Variants in PHKA2 observed in about 807,000 individuals in gnomAD.
PHKA2 encodes the protein phosphorylase b kinase regulatory subunit alpha, liver isoform.
Under a neutral mutation model 102.0 loss-of-function variants are expected in PHKA2, and 31 were observed. The ratio of observed to expected loss-of-function variants is 0.30; its 90% CI spans 0.23 to 0.41. The LOEUF (loss-of-function observed/expected upper bound fraction) is 0.41, where lower values mean the gene tolerates loss of function less well. PHKA2 is among the 10% of genes least tolerant of loss of function. The pLI is 1.00. For synonymous variants in PHKA2, 455 were observed against 416.2 expected (o/e 1.09, Z -1.13); for missense variants, 858 against 1,023.1 (o/e 0.84, Z 2.20).
intron 1 of PHKA2, among the ~76,000 whole-genome samples, chrX:18,971,341 C>T (rs2049016179): frequency 8.9e-6 from 1 of 111,864 alleles, no homozygotes; most frequent in Non-Finnish European, 1.9e-5. Context: ...TCTTTTAGCC[C>T]GTTTGCTTTC....
chrX:18,920,508 A>C (rs1379939936), intron 17 of PHKA2, among the ~76,000 whole-genome samples: 2 of 112,515 alleles, frequency 1.8e-5, no homozygotes, highest in Non-Finnish European at 3.7e-5. Flanking sequence ...TATATTGCGC[A>C]AACTACTTTT....
chrX:18,901,420 T>C lies in PHKA2; in HGVS notation c.3027+65A>G, dbSNP rs1164014586. 2.9e-5 allele frequency: 21 copies of C among 725,743 alleles called. No individual in the cohort carries two copies. The East Asian group carries it at 6.7e-4, about 23-fold the overall frequency. The allele number at this position is 725,743 out of a possible 1,213,427, so 59.8% of individuals were successfully genotyped here. Reference sequence around the variant, plus strand: ...GCCTCATGCCCTAGGTTTCTGTCGCTTTCTGGGGTAAGCCCAGGTAGGGAG... The same window carrying C: ...GCCTCATGCCCTAGGTTTCTGTCGCCTTCTGGGGTAAGCCCAGGTAGGGAG... On this transcript the variant is annotated intron_variant, in intron 27 of 32. Transcript: ENST00000379942.
At chrX:18,893,866 G>A (rs1176658319) in intron 32 of PHKA2, among the ~76,000 whole-genome samples, 1 of 112,405 alleles carries the variant, frequency 8.9e-6, no homozygotes, top group Admixed American at 9.4e-5. Flanking sequence ...ACTGCACTCT[G>A]TTATCACGCA....
chrX:18,897,020 T>C, intron 30 of PHKA2, 143 bp downstream of exon 30: 3 of 683,116 alleles, frequency 4.4e-6, no homozygotes, highest in South Asian at 4.4e-5. Context: ...TAGCAGAGAA[T>C]GCCTCGGCCC....
chrX:18,983,187 T>C (rs1427487745), intron 1 of PHKA2, among the ~76,000 whole-genome samples: 3 of 112,347 alleles, frequency 2.7e-5, no homozygotes, highest in Non-Finnish European at 5.6e-5. Context: ...ATAAAAATAG[T>C]TCAGTGGTCT....
chrX:18,894,489 T>C, intron 31 of PHKA2, 85 bp from the exon 32 acceptor site: 1 of 842,376 alleles, frequency 1.2e-6, no homozygotes, highest in Admixed American at 2.3e-5. Flanking sequence ...AGGGTGACCG[T>C]AGCAGTGCCT....
chrX:18,903,236 A>T (rs1272685436), intron 26 of PHKA2, among the ~76,000 whole-genome samples: 2 of 112,435 alleles, frequency 1.8e-5, no homozygotes, highest in Admixed American at 1.9e-4. Context: ...ATGTTTCATG[A>T]CCGCATGGAG....
intron 19 of PHKA2, among the ~76,000 whole-genome samples, chrX:18,916,436 A>G (rs1190818286): frequency 8.9e-6 from 1 of 111,960 alleles, no homozygotes; most frequent in Non-Finnish European, 1.9e-5. Flanking sequence ...TCTTGTCTCA[A>G]ACAATCAGAA....
At chrX:18,942,263 C>T (rs1639747364) in intron 7 of PHKA2, among the ~76,000 whole-genome samples, 1 of 111,781 alleles carries the variant, frequency 8.9e-6, no homozygotes, top group African/African-American at 3.3e-5. Context: ...AAATAAGTGG[C>T]TGGATTAGGC....
At chrX:18,913,780 T>TA (rs2147877935) in intron 19 of PHKA2, among the ~76,000 whole-genome samples, 1 of 112,271 alleles carries the variant, frequency 8.9e-6, no homozygotes, top group African/African-American at 3.2e-5. Context: ...AAACTTTTTT[T>TA]AAAAAATGAA....
intron 26 of PHKA2, among the ~76,000 whole-genome samples, chrX:18,904,501 T>TA (rs1281257184): frequency 1.8e-5 from 2 of 112,766 alleles, no homozygotes; most frequent in Non-Finnish European, 3.7e-5. Flanking sequence ...GCTGTACATC[T>TA]AATGACAAAT....
intron 19 of PHKA2, among the ~76,000 whole-genome samples, chrX:18,916,505 T>A: frequency 8.9e-6 from 1 of 112,158 alleles, no homozygotes. Flanking sequence ...TGAAATGTAA[T>A]CCCCAGTGTT....
intron 26 of PHKA2, among the ~76,000 whole-genome samples, chrX:18,904,402 GAC>G (rs1236257000): frequency 8.9e-6 from 1 of 112,571 alleles, no homozygotes. Context: ...ATGTTAAAAA[GAC>G]AGCATGTCTT....
intron 5 of PHKA2, among the ~76,000 whole-genome samples, chrX:18,948,212 G>A (rs1170731875): frequency 8.9e-5 from 10 of 112,018 alleles, no homozygotes; most frequent in African/African-American, 3.2e-4. Context: ...GGTGGCTCAC[G>A]CCTATAATCC....
At chrX:18,909,069 C>T in intron 20 of PHKA2, 135 bp from the exon 21 acceptor site, 2 of 797,617 alleles carry the variant, frequency 2.5e-6, no homozygotes, top group South Asian at 2.2e-5. Context: ...CTTTTTGTAC[C>T]TCTTTATTTA....
Position 18,938,721 on chromosome X carries a change from G to T in PHKA2, c.947C>A (p.Ala316Asp). 1 of 1,206,773 alleles carries T rather than the reference G, an allele frequency of 8.3e-7. No homozygotes were observed. The highest frequency in any genetic ancestry group is 1.1e-6 in the Non-Finnish European group (1 of 890,744). ...EDPNRLHYDP[A>D]ELKLFENIEC... The stretch of plus-strand genomic sequence containing the variant: ...AATGTTTTCGAAGAGCTTGAGTTCA[G>T]CAGGGTCATAATGCAGTCGATTAGG... The change falls in exon 10 of 33, where the codon GCT becomes GAT. Residue 316 changes from alanine to aspartate, a missense_variant. By Grantham distance (126) the Ala-to-Asp change is moderately radical. Around this residue, in one of 2 missense-constraint regions of PHKA2, gnomAD observed 187 missense variants for 277.9 expected, o/e 0.67. Transcript: ENST00000379942.
chrX:18,938,583 T>G (rs1347456805), intron 10 of PHKA2, 44 bp downstream of exon 10: 62 of 1,143,665 alleles, frequency 5.4e-5, no homozygotes, highest in Non-Finnish European at 6.7e-5. Context: ...AGTATACCAG[T>G]GGAATGAAAA....
At chrX:18,933,444 G>A (rs760666867) in intron 11 of PHKA2, among the ~76,000 whole-genome samples, 8 of 112,984 alleles carry the variant, frequency 7.1e-5, no homozygotes, top group East Asian at 2.8e-4. Context: ...TGCCTGGCAC[G>A]GAGTGGCTGC....
intron 5 of PHKA2, among the ~76,000 whole-genome samples, chrX:18,947,396 C>T (rs1318175320): frequency 2.7e-5 from 3 of 111,811 alleles, no homozygotes; most frequent in Non-Finnish European, 3.8e-5. Context: ...GACAGAAGCT[C>T]GGAGGAAAGG....
Sources: gnomAD v4.1 joint callset for allele counts (sites outside exome capture counted in the v4.1 genomes callset) on GRCh38, gnomAD v4.1.1 for gene constraint, gnomAD v4.1.1 regional missense constraint, MANE v1.5 for transcripts, NCBI Gene and HGNC (gene_info 2026-07-23, HGNC 2026-07-21) for gene names.